NUCB2: variants seen among roughly 807,000 people sequenced by gnomAD.
NUCB2 encodes nucleobindin 2.
NUCB2 carries 48 observed loss-of-function variants against 57.9 expected under a neutral mutation model. That is an observed-to-expected ratio of 0.83 (90% CI 0.66 to 1.05). The LOEUF is 1.05. Ranked by LOEUF, NUCB2 falls within the 50% of genes least tolerant of loss-of-function variation. NUCB2 has a pLI of 0.00. For missense variants in NUCB2, 442 were observed against 476.2 expected, an observed-to-expected ratio of 0.93 and a Z score of 0.67; for synonymous variants, 139 against 152.1, an observed-to-expected ratio of 0.91 and a Z score of 0.64.
chr11:17,288,552 C>CTTTTTTTTTTTTT lies in NUCB2; in HGVS notation c.-1+5613_-1+5625dup, dbSNP rs1362783048. Among the ~76,000 whole-genome samples the CTTTTTTTTTTTTT allele has an allele frequency of 6.9e-3, 694 of 101,068 alleles. 37 individuals are homozygous for CTTTTTTTTTTTTT. The highest frequency in any genetic ancestry group is 0.015 in the East Asian group (38 of 2,554). 66.3% of individuals were successfully genotyped at this position (101,068 alleles called of 152,430 possible). On this transcript the variant is annotated intron_variant, in intron 2 of 13. Transcript: ENST00000529010. Reference sequence around the variant, plus strand: ...TCTTTTTCTTCTTCTTCTTCTTCTTCTTTTTTTTTTTTTTTTGAGACAGTC... The same window carrying CTTTTTTTTTTTTT: ...TCTTTTTCTTCTTCTTCTTCTTCTTCTTTTTTTTTTTTTTTTTTTTTTTTTTTTTGAGACAGTC...
At chr11:17,301,894 AT>A (rs112301813) in intron 5 of NUCB2, 24 bp downstream of exon 5, 673 of 1,521,608 alleles carry the variant, frequency 4.4e-4, no homozygotes, top group African/African-American at 9.6e-4. Context: ...AAAAGGTAGG[AT>A]TTTTTTTTTC....
intron 8 of NUCB2, 116 bp downstream of exon 8, chr11:17,311,399 T>TA: frequency 1.4e-6 from 1 of 708,568 alleles, no homozygotes; most frequent in Non-Finnish European, 2.3e-6. Context: ...AGTAAATGGT[T>TA]AGAGTTTTTC....
chr11:17,295,061 A>C (rs1945598118), intron 2 of NUCB2, among the ~76,000 whole-genome samples: 1 of 152,146 alleles, frequency 6.6e-6, no homozygotes, highest in South Asian at 2.1e-4. Context: ...ACAAACAAAC[A>C]AACAAACAAA....
intron 11 of NUCB2, among the ~76,000 whole-genome samples, chr11:17,326,669 A>G (rs1950729806): frequency 6.6e-6 from 1 of 151,934 alleles, no homozygotes; most frequent in African/African-American, 2.4e-5. Flanking sequence ...TGTAGTTATT[A>G]TTTTATTTAT....
Position 17,330,223 on chromosome 11 carries a change from G to A in NUCB2, c.1099G>A (p.Glu367Lys), listed in dbSNP as rs747995848. Residue 367 changes from glutamate to lysine, a missense_variant, in exon 12 of 14, where the codon GAG becomes AAG. Coordinates refer to ENST00000529010, the MANE Select transcript of NUCB2 (RefSeq NM_005013.4). The surrounding 1 kb of genome is among the most constrained non-coding windows in gnomAD (Gnocchi z 4.3). The stretch of plus-strand genomic sequence containing the variant: ...AAATGAACTTAAGAAGAAGGCAGAT[G>A]AGCTTCAGAAACAAAAAGAAGAGCT... ...QENELKKKAD[E>K]LQKQKEELQR... is the part of the protein sequence containing the mutation. 1.9e-6 allele frequency: 3 copies of A among 1,611,184 alleles called. No individual in the cohort carries two copies. The highest frequency in any genetic ancestry group is 2.5e-6 in the Non-Finnish European group (3 of 1,178,484).
intron 11 of NUCB2, among the ~76,000 whole-genome samples, chr11:17,317,180 A>G (rs575037617): frequency 6.6e-6 from 1 of 152,272 alleles, no homozygotes; most frequent in African/African-American, 2.4e-5. Flanking sequence ...ATACATTTCA[A>G]CCAGGTTTAA....
chr11:17,296,007 T>C lies in NUCB2; in HGVS notation c.145-97T>C, dbSNP rs1945764050. On this transcript the variant is annotated intron_variant, in intron 3 of 13. Transcript: ENST00000529010. Reference sequence around the variant, plus strand: ...AACTATCAAAGTAAATATGTCTTAATGCCATTTTGCTAGAAATTGTTTCAC... The same window carrying C: ...AACTATCAAAGTAAATATGTCTTAACGCCATTTTGCTAGAAATTGTTTCAC... 5.0e-6 allele frequency: 3 copies of C among 596,478 alleles called. No individual in the cohort carries two copies. The Admixed American group carries it at 9.6e-5, about 19-fold the overall frequency. The allele number at this position is 596,478 out of a possible 1,614,324, so 36.9% of individuals were successfully genotyped here.
intron 8 of NUCB2, among the ~76,000 whole-genome samples, chr11:17,311,616 T>C (rs983323777): frequency 6.6e-6 from 1 of 152,218 alleles, no homozygotes; most frequent in South Asian, 2.1e-4. Flanking sequence ...TCATAGAATA[T>C]TGCTTTACTT....
At chr11:17,347,492 A>T (rs1952837054) in intron 2 of NUCB2, among the ~76,000 whole-genome samples, 1 of 152,216 alleles carries the variant, frequency 6.6e-6, no homozygotes, top group Non-Finnish European at 1.5e-5. Flanking sequence ...TTAAGCTGCA[A>T]ACATTGTGAT....
At chr11:17,331,071 C>A in intron 13 of NUCB2, 88 bp downstream of exon 13, 1 of 902,764 alleles carries the variant, frequency 1.1e-6, no homozygotes, top group Non-Finnish European at 1.7e-6. Context: ...AATTTCAAAT[C>A]ATTAAGATGT....
intron 5 of NUCB2, among the ~76,000 whole-genome samples, chr11:17,302,814 A>G (rs1408953890): frequency 2.0e-5 from 3 of 149,274 alleles, no homozygotes; most frequent in Admixed American, 6.7e-5. Context: ...ATCTTGGCTC[A>G]CTGCAAGCTC....
At chr11:17,315,513 CA>C (rs1241740291) in intron 11 of NUCB2, 38 bp downstream of exon 11, 17 of 1,174,476 alleles carry the variant, frequency 1.4e-5, no homozygotes, top group Non-Finnish European at 2.2e-5. Context: ...TATGGTTCAA[CA>C]AATTCTACAT....
chr11:17,311,320 C>T, intron 8 of NUCB2, 37 bp downstream of exon 8: 1 of 1,393,162 alleles, frequency 7.2e-7, no homozygotes, highest in Non-Finnish European at 1.0e-6. Flanking sequence ...TTTATATCTG[C>T]TGCTTGAAAA....
Position 17,296,148 on chromosome 11 carries a change from TG to T in NUCB2, c.190del (p.Val64CysfsTer17). The T allele has an allele frequency of 6.2e-7, 1 of 1,612,338 alleles. No homozygotes were observed. The highest frequency in any genetic ancestry group is 8.5e-7 in the Non-Finnish European group (1 of 1,179,074). ...ATGAATATCTCAAGCAAGTGATTGATGTGCTGGAAACAGATAAACACTTCAG... is the reference window on the plus strand; with the variant it reads ...ATGAATATCTCAAGCAAGTGATTGATTGCTGGAAACAGATAAACACTTCAG... ...YDEYLKQVID[V>X]LETDKHFREK... On this transcript the variant is annotated frameshift_variant, in exon 4 of 14. Transcript: ENST00000529010. LOFTEE classifies it high-confidence loss of function.
At chr11:17,277,588 T>A (rs1941603565) in intron 1 of NUCB2, among the ~76,000 whole-genome samples, 1 of 152,224 alleles carries the variant, frequency 6.6e-6, no homozygotes, top group South Asian at 2.1e-4. Context: ...CTTGAAATTC[T>A]ATGTCTGCTA....
At chr11:17,308,187 T>C (rs1947974491) in intron 5 of NUCB2, among the ~76,000 whole-genome samples, 1 of 152,192 alleles carries the variant, frequency 6.6e-6, no homozygotes, top group Non-Finnish European at 1.5e-5. Flanking sequence ...GATCAACTTG[T>C]ACCTACCTTG....
chr11:17,342,171 AT>A (rs1952326506), intron 2 of NUCB2, among the ~76,000 whole-genome samples: 1 of 152,098 alleles, frequency 6.6e-6, no homozygotes, highest in East Asian at 1.9e-4. Context: ...TATCCCCTTT[AT>A]CATTTTTTAT....
At chr11:17,278,398 A>C (rs928083103) in intron 1 of NUCB2, 2 of 152,024 alleles carry the variant, frequency 1.3e-5, no homozygotes, top group Non-Finnish European at 2.9e-5. Context: ...GCTGGTCTCG[A>C]ACTCCTGACC....
Position 17,339,399 on chromosome 11 carries a change from A to G in NUCB2, n.2626+1865A>G, listed in dbSNP as rs190397923. Among the ~76,000 whole-genome samples the G allele has an allele frequency of 2.3e-3, 353 of 152,146 alleles. 2 individuals carry two copies. Among genetic ancestry groups the G allele is most frequent in the African/African-American group, 8.1e-3 (335 of 41,500 alleles). On this transcript the variant is annotated intron_variant and non_coding_transcript_variant, in intron 2 of 2. Transcript: ENST00000532240. ...AAGTTTTAGGGTTCATGTGCACAAC[A>G]TGCAGGTTTGTTACATATGTATACG...
Sources: gnomAD v4.1 joint callset for allele counts (sites outside exome capture counted in the v4.1 genomes callset) on GRCh38, gnomAD v4.1.1 for gene constraint, Gnocchi (gnomAD v3.1) non-coding constraint, MANE v1.5 for transcripts, NCBI Gene and HGNC (gene_info 2026-07-23, HGNC 2026-07-21) for gene names.